Variants in CACNA1C observed in about 807,000 individuals in gnomAD.
The protein encoded by CACNA1C is calcium voltage-gated channel subunit alpha1 C.
A neutral mutation model predicts 229.0 loss-of-function variants in CACNA1C; 30 were observed. That is an observed-to-expected ratio of 0.13 (90% CI 0.10 to 0.18). CACNA1C has a LOEUF of 0.18. CACNA1C is among the 10% of genes least tolerant of loss of function. The pLI is 1.00. For missense variants in CACNA1C, 1,658 were observed against 2,845.0 expected, an observed-to-expected ratio of 0.58 and a Z score of 9.49; for synonymous variants, 1,114 against 1,132.5, an observed-to-expected ratio of 0.98 and a Z score of 0.33.
At chr12:2,568,531 G>A (rs2052532722) in intron 13 of CACNA1C, among the ~76,000 whole-genome samples, 1 of 152,170 alleles carries the variant, frequency 6.6e-6, no homozygotes, top group Admixed American at 6.5e-5. Flanking sequence ...GCCTTAGACA[G>A]ATGAATGTAT....
intron 3 of CACNA1C, among the ~76,000 whole-genome samples, chr12:2,361,251 A>G (rs546756470): frequency 3.9e-5 from 6 of 152,260 alleles, no homozygotes; most frequent in Non-Finnish European, 7.4e-5. Context: ...TTAAAAAATA[A>G]TAATGAAATG....
intron 3 of CACNA1C, among the ~76,000 whole-genome samples, chr12:2,124,108 T>TTGTG (rs2088612139): frequency 1.2e-5 from 1 of 84,252 alleles, no homozygotes; most frequent in African/African-American, 4.6e-5. Flanking sequence ...CTGGTCTAGC[T>TTGTG]CGTGTGTGTG....
intron 3 of CACNA1C, among the ~76,000 whole-genome samples, chr12:2,292,035 G>C (rs908091930): frequency 6.6e-6 from 1 of 152,214 alleles, no homozygotes; most frequent in African/African-American, 2.4e-5. Context: ...TCTGAGCTGA[G>C]CTGTCAGTGA....
intron 1 of CACNA1C, among the ~76,000 whole-genome samples, chr12:2,105,013 G>C (rs2077665748): frequency 6.6e-6 from 1 of 152,172 alleles, no homozygotes; most frequent in Non-Finnish European, 1.5e-5. Flanking sequence ...GTTATATCAG[G>C]GTCCTCTCAC....
chr12:2,450,525 G>A (rs554549847), intron 4 of CACNA1C, among the ~76,000 whole-genome samples: 3 of 118,694 alleles, frequency 2.5e-5, no homozygotes, highest in Non-Finnish European at 4.8e-5. Context: ...CTGCACTCCA[G>A]CCTGGGCAAC....
chr12:2,601,031 C>T lies in CACNA1C; in HGVS notation c.2854-823C>T, dbSNP rs921755929. Among the ~76,000 whole-genome samples the T allele has an allele frequency of 6.6e-6, 1 of 152,236 alleles. No homozygotes were observed. Among genetic ancestry groups the T allele is most frequent in the African/African-American group, 2.4e-5 (1 of 41,462 alleles). ...TCCAGGCCACAAAAATAAAATACCA[C>T]AGGTCTGGGATTCCAGCCCAGGCCG... is the stretch of plus-strand genomic sequence containing the variant. On this transcript the variant is annotated intron_variant, in intron 21 of 46. Coordinates refer to ENST00000399655, the MANE Select transcript of CACNA1C (RefSeq NM_000719.7). This position sits in a 1 kb window ranked among gnomAD's most constrained non-coding sequence, Gnocchi z 5.9.
At chr12:2,243,564 A>G (rs1002922723) in intron 3 of CACNA1C, among the ~76,000 whole-genome samples, 1 of 152,244 alleles carries the variant, frequency 6.6e-6, no homozygotes, top group Admixed American at 6.5e-5. Context: ...GAAATGACAT[A>G]GTGGAAATGG....
intron 1 of CACNA1C, among the ~76,000 whole-genome samples, chr12:2,078,382 C>T (rs192952022): frequency 3.9e-5 from 6 of 152,164 alleles, no homozygotes; most frequent in Non-Finnish European, 5.9e-5. Flanking sequence ...ATACATACAG[C>T]GGAGTATTAT....
Position 2,504,739 on chromosome 12 carries a change from G to A in CACNA1C, c.1114-103G>A, listed in dbSNP as rs912804573. On this transcript the variant is annotated intron_variant, in intron 7 of 46. Transcript: ENST00000399655. This position sits in a 1 kb window ranked among gnomAD's most constrained non-coding sequence, Gnocchi z 6.8. ...TCTGATTTGCACCTAGAGGGTCCCCGGATCCTGGCGCTGCGTGGGTCAGTG... is the reference window on the plus strand; with the variant it reads ...TCTGATTTGCACCTAGAGGGTCCCCAGATCCTGGCGCTGCGTGGGTCAGTG... The A allele has an allele frequency of 1.5e-5, 12 of 803,072 alleles. No individual in the cohort carries two copies. Among genetic ancestry groups the A allele is most frequent in the South Asian group, 2.9e-5 (2 of 69,252 alleles). 49.7% of individuals were successfully genotyped at this position (803,072 alleles called of 1,614,324 possible).
chr12:2,238,866 GT>G (rs2068595361), intron 3 of CACNA1C, among the ~76,000 whole-genome samples: 1 of 152,160 alleles, frequency 6.6e-6, no homozygotes, highest in African/African-American at 2.4e-5. Flanking sequence ...CCTAACCCTG[GT>G]TTTGGAGGCC....
At chr12:2,202,297 G>A (rs544738679) in intron 3 of CACNA1C, among the ~76,000 whole-genome samples, 39 of 152,248 alleles carry the variant, frequency 2.6e-4, no homozygotes, top group African/African-American at 6.5e-4. Context: ...GCTGAGGCCC[G>A]CACGCTTTGG....
At chr12:2,136,097 G>T (rs1024401589) in intron 3 of CACNA1C, among the ~76,000 whole-genome samples, 1 of 151,244 alleles carries the variant, frequency 6.6e-6, no homozygotes, top group Admixed American at 6.6e-5. Flanking sequence ...CCCTTTCTTT[G>T]ACTCGGAAAG....
rs185828403 is a variant in CACNA1C, at chr12:2,683,389, A to G, written c.5573+711A>G. ...TATGACTCTGAGTCACATCCACAGA[A>G]GTTTGAGACACAGAGTGACATCCAC... On this transcript the variant is annotated intron_variant, in intron 43 of 46. Coordinates refer to ENST00000399655, the MANE Select transcript of CACNA1C (RefSeq NM_000719.7). Among the ~76,000 whole-genome samples the G allele has an allele frequency of 4.2e-3, 633 of 152,316 alleles. 2 individuals carry two copies. Among genetic ancestry groups the G allele is most frequent in the Non-Finnish European group, 7.4e-3 (504 of 68,028 alleles).
At chr12:2,423,985 G>A (rs1263673726) in intron 3 of CACNA1C, among the ~76,000 whole-genome samples, 2 of 152,018 alleles carry the variant, frequency 1.3e-5, no homozygotes, top group Non-Finnish European at 2.9e-5. Context: ...GCTCCCTCCC[G>A]CTCCCCCTCC....
rs755443764 is a variant in CACNA1C, at chr12:2,680,591, G to A, written c.5444+795G>A. ...AGCATGCCAGGTTCTTGACATGCTC[G>A]CCCTCCAGCTCAGAAAATAATAGAG... On this transcript the variant is annotated intron_variant, in intron 42 of 46. Transcript: ENST00000399655. 34 of 1,547,630 alleles carry A rather than the reference G, an allele frequency of 2.2e-5. No homozygotes were observed. The highest frequency in any genetic ancestry group is 1.2e-4 in the Admixed American group (6 of 51,480).
At position 2,585,009 on chromosome 12, in the gene CACNA1C, CCCTATG is replaced by C. The variant is rs550608232; in HGVS notation, c.2340-366_2340-361del. ...CCAGTGTTAGGAAGGCAAGACGGGGCCCTATGTTGTATCCTATCATTATCTAGACGG... is the reference window on the plus strand; with the variant it reads ...CCAGTGTTAGGAAGGCAAGACGGGGCTTGTATCCTATCATTATCTAGACGG... On this transcript the variant is annotated intron_variant, in intron 16 of 46. Coordinates refer to ENST00000399655, the MANE Select transcript of CACNA1C (RefSeq NM_000719.7). The surrounding 1 kb of genome is among the most constrained non-coding windows in gnomAD (Gnocchi z 4.1). 3.7e-4 allele frequency among the ~76,000 whole-genome samples: 56 copies of C among 152,276 alleles called. No homozygotes were observed. The highest frequency in any genetic ancestry group is 1.3e-3 in the African/African-American group (54 of 41,550).
chr12:2,005,640 T>C (rs2043266142), intron 1 of CACNA1C, among the ~76,000 whole-genome samples: 1 of 152,202 alleles, frequency 6.6e-6, no homozygotes. Flanking sequence ...TCAGTGATGA[T>C]ATTAATGAGC....
At chr12:2,106,755 G>A (rs1370405738) in intron 1 of CACNA1C, among the ~76,000 whole-genome samples, 11 of 131,296 alleles carry the variant, frequency 8.4e-5, no homozygotes, top group African/African-American at 3.3e-4. Flanking sequence ...TGCTCACCCT[G>A]GAGAGGGTTT....
At chr12:2,183,334 T>C (rs28619285) in intron 3 of CACNA1C, among the ~76,000 whole-genome samples, 7,509 of 152,306 alleles carry the variant, frequency 0.049, 484 homozygotes, top group African/African-American at 0.15. Context: ...TGAGTCCCTA[T>C]GCAGAGGTTC....
Sources: allele counts gnomAD v4.1 joint callset (sites outside exome capture counted in the v4.1 genomes callset), GRCh38; gene constraint gnomAD v4.1.1; non-coding constraint Gnocchi (gnomAD v3.1); transcripts MANE v1.5; gene names NCBI Gene and HGNC (gene_info 2026-07-23, HGNC 2026-07-21).